SCUBE1: variants seen among roughly 807,000 people sequenced by gnomAD.
SCUBE1 encodes signal peptide, CUB and EGF-like domain-containing protein 1.
In SCUBE1, 59 loss-of-function variants were observed where a neutral mutation model predicts 124.4. That is an observed-to-expected ratio of 0.47 (90% CI 0.38 to 0.59). The LOEUF (loss-of-function observed/expected upper bound fraction) is 0.59, where lower values mean the gene tolerates loss of function less well. SCUBE1 is among the 20% of genes least tolerant of loss of function. SCUBE1 has a pLI of 0.00. For missense variants in SCUBE1, 1,150 were observed against 1,371.2 expected (o/e 0.84, Z 2.55); for synonymous variants, 545 against 550.9 (o/e 0.99, Z 0.15).
chr22:43,298,635 G>A (rs1460165727), intron 3 of SCUBE1, among the ~76,000 whole-genome samples: 3 of 152,188 alleles, frequency 2.0e-5, no homozygotes, highest in East Asian at 1.9e-4. Flanking sequence ...AGGGAAGGAC[G>A]GGAGTCTACC....
At chr22:43,299,294 CAG>C (rs1384857317) in intron 3 of SCUBE1, among the ~76,000 whole-genome samples, 1 of 152,174 alleles carries the variant, frequency 6.6e-6, no homozygotes, top group East Asian at 1.9e-4. Flanking sequence ...CTCATGGCCT[CAG>C]GGAATCACGG....
chr22:43,215,770 T>C (rs564866532), intron 15 of SCUBE1, among the ~76,000 whole-genome samples: 1 of 151,754 alleles, frequency 6.6e-6, no homozygotes, highest in South Asian at 2.1e-4. Flanking sequence ...GAAGACACAG[T>C]GGAGGGTGAC....
At chr22:43,236,466 T>A (rs1295806404) in intron 7 of SCUBE1, among the ~76,000 whole-genome samples, 1 of 152,240 alleles carries the variant, frequency 6.6e-6, no homozygotes, top group Non-Finnish European at 1.5e-5. Flanking sequence ...TTCCAGACCC[T>A]ACTGTGACCC....
chr22:43,321,561 C>T (rs966024666), intron 2 of SCUBE1, among the ~76,000 whole-genome samples: 2 of 152,162 alleles, frequency 1.3e-5, no homozygotes, highest in African/African-American at 2.4e-5. Context: ...AGTAAGGGGT[C>T]TGGGCTGTGC....
chr22:43,274,509 C>T (rs531965005), intron 4 of SCUBE1, among the ~76,000 whole-genome samples: 4 of 152,340 alleles, frequency 2.6e-5, no homozygotes, highest in South Asian at 2.1e-4. Context: ...GGCAGGTGCC[C>T]AGGCCATGGC....
intron 6 of SCUBE1, among the ~76,000 whole-genome samples, chr22:43,244,929 C>G (rs1923146319): frequency 6.6e-6 from 1 of 152,278 alleles, no homozygotes; most frequent in Admixed American, 6.5e-5. Flanking sequence ...CCCACCTGCC[C>G]TTCTGTCCCT....
At chr22:43,331,262 A>G (rs138445188) in intron 2 of SCUBE1, among the ~76,000 whole-genome samples, 9 of 152,346 alleles carry the variant, frequency 5.9e-5, no homozygotes, top group African/African-American at 2.2e-4. Flanking sequence ...TACATTCATT[A>G]CATACATGCT....
At chr22:43,278,961 G>C (rs1924648654) in intron 4 of SCUBE1, among the ~76,000 whole-genome samples, 1 of 152,142 alleles carries the variant, frequency 6.6e-6, no homozygotes, top group Non-Finnish European at 1.5e-5. Context: ...GACAGGTTTG[G>C]GGGAAGGACA....
At chr22:43,343,004 C>T (rs1484635772) in intron 1 of SCUBE1, among the ~76,000 whole-genome samples, 170 bp downstream of exon 1, 2 of 147,114 alleles carry the variant, frequency 1.4e-5, no homozygotes, top group Admixed American at 6.7e-5. Flanking sequence ...GCCCGGGCTG[C>T]GGGGAGGGGG....
At chr22:43,222,788 C>G in intron 11 of SCUBE1, 46 bp from the exon 12 acceptor site, 1 of 1,423,202 alleles carries the variant, frequency 7.0e-7, no homozygotes, top group Non-Finnish European at 9.7e-7. Context: ...CTCCTCCCTC[C>G]CACGGCCCTC....
At chr22:43,238,516 A>G in intron 7 of SCUBE1, 1 of 584,650 alleles carries the variant, frequency 1.7e-6, no homozygotes, top group Non-Finnish European at 3.0e-6. Context: ...GGGCCCAGGA[A>G]GTCCCACAGT....
chr22:43,299,724 T>C (rs1925696248), intron 3 of SCUBE1, among the ~76,000 whole-genome samples: 1 of 152,206 alleles, frequency 6.6e-6, no homozygotes, highest in African/African-American at 2.4e-5. Flanking sequence ...CGACCATCAC[T>C]ACTAATTCCA....
intron 2 of SCUBE1, among the ~76,000 whole-genome samples, chr22:43,322,631 C>T (rs1287150066): frequency 6.6e-6 from 1 of 152,186 alleles, no homozygotes; most frequent in Non-Finnish European, 1.5e-5. Flanking sequence ...CAGCAGCCCC[C>T]AAACTGTTCC....
intron 6 of SCUBE1, among the ~76,000 whole-genome samples, chr22:43,241,781 C>G (rs1401998560): frequency 6.6e-6 from 1 of 152,248 alleles, no homozygotes; most frequent in East Asian, 1.9e-4. Flanking sequence ...CTCCTTCAGA[C>G]CACTGTGTCA....
In SCUBE1 at chr22:43,320,038, T is replaced by C. The variant is rs1281496775; in HGVS notation, c.248A>G (p.Tyr83Cys). The C allele has an allele frequency of 1.2e-6, 2 of 1,613,946 alleles. No homozygotes were observed. The highest frequency in any genetic ancestry group is 1.7e-6 in the Non-Finnish European group (2 of 1,179,982). ...GCACTCGTGGACACAGCCCCCATTG[T>C]AGTAGTCATTCTCACACTCGTCAAT... is the stretch of plus-strand genomic sequence containing the variant. ...EDIDECENDY[Y>C]NGGCVHECIN... The change falls in exon 3 of 22, where the codon TAC (tyrosine) becomes TGC (cysteine). Residue 83 changes from tyrosine (Y) to cysteine (C), a missense_variant. Physicochemically the swap from Tyr to Cys is radical, Grantham distance 194. This residue lies in a region of SCUBE1 where 337 missense variants were observed against 482.1 expected (regional missense o/e 0.70). Transcript: ENST00000360835.
chr22:43,236,016 G>A (rs1242318494), intron 7 of SCUBE1, among the ~76,000 whole-genome samples: 1 of 152,148 alleles, frequency 6.6e-6, no homozygotes, highest in Non-Finnish European at 1.5e-5. Context: ...TGCAGCCCTG[G>A]GTTGTCCAAG....
At chr22:43,237,144 T>G (rs1443154066) in intron 7 of SCUBE1, among the ~76,000 whole-genome samples, 1 of 151,994 alleles carries the variant, frequency 6.6e-6, no homozygotes, top group African/African-American at 2.4e-5. Context: ...GCTGTGGACA[T>G]CACTCCTGAG....
chr22:43,284,129 G>A (rs1426755641), intron 4 of SCUBE1, among the ~76,000 whole-genome samples: 4 of 152,226 alleles, frequency 2.6e-5, no homozygotes, highest in African/African-American at 9.6e-5. Context: ...ACAACACAGT[G>A]GTATGTAACA....
chr22:43,217,533 G>A (rs556363684), intron 15 of SCUBE1, among the ~76,000 whole-genome samples: 23 of 152,164 alleles, frequency 1.5e-4, no homozygotes, highest in African/African-American at 4.6e-4. Context: ...CAGCCTTCCC[G>A]TAAGAGCGCG....
Sources: allele counts gnomAD v4.1 joint callset (sites outside exome capture counted in the v4.1 genomes callset), GRCh38; gene constraint gnomAD v4.1.1; regional missense constraint gnomAD v4.1.1; transcripts MANE v1.5; gene names NCBI Gene and HGNC (gene_info 2026-07-23, HGNC 2026-07-21).